Variants in ITPR2 observed in about 807,000 individuals in gnomAD.
ITPR2 encodes inositol 1,4,5-trisphosphate-gated calcium channel ITPR2.
ITPR2 carries 207 observed loss-of-function variants against 317.1 expected under a neutral mutation model. The ratio of observed to expected loss-of-function variants is 0.65; its 90% CI spans 0.58 to 0.73. The LOEUF is 0.73. ITPR2 is among the 30% of genes least tolerant of loss of function. ITPR2 has a pLI of 0.00. For missense variants in ITPR2, 2,613 were observed against 3,284.0 expected, an observed-to-expected ratio of 0.80 and a Z score of 4.99; for synonymous variants, 1,156 against 1,149.1, an observed-to-expected ratio of 1.01 and a Z score of -0.12.
chr12:26,365,288 AC>A (rs1938972461), intron 55 of ITPR2, among the ~76,000 whole-genome samples: 1 of 152,322 alleles, frequency 6.6e-6, no homozygotes, highest in South Asian at 2.1e-4. Context: ...TGGGTACCTA[AC>A]AAAATTTTTA....
At chr12:26,383,697 C>T (rs1375885420) in intron 55 of ITPR2, among the ~76,000 whole-genome samples, 9 of 150,370 alleles carry the variant, frequency 6.0e-5, no homozygotes, top group South Asian at 4.2e-4. Flanking sequence ...GGGGTTTCAC[C>T]GCATTAGCCA....
At position 26,355,076 on chromosome 12, in the gene ITPR2, C is replaced by T. The variant is rs371209644; in HGVS notation, c.7858-14748G>A. ...GAATCAGAAACTCCGGGGTTGAAGG[C>T]CCAGTAATTGGTGTTTTAATGAGAC... On this transcript the variant is annotated intron_variant, in intron 55 of 56. Coordinates refer to ENST00000381340, the MANE Select transcript of ITPR2 (RefSeq NM_002223.4). Among the ~76,000 whole-genome samples, 38 of 152,228 alleles carry T rather than the reference C, an allele frequency of 2.5e-4. 1 individual carries two copies. Among genetic ancestry groups the T allele is most frequent in the African/African-American group, 8.7e-4 (36 of 41,534 alleles).
At chr12:26,737,765 T>C (rs1949153766) in intron 2 of ITPR2, among the ~76,000 whole-genome samples, 1 of 152,232 alleles carries the variant, frequency 6.6e-6, no homozygotes, top group Non-Finnish European at 1.5e-5. Flanking sequence ...CTGTCAGTGC[T>C]ACATCAAAAT....
intron 53 of ITPR2, among the ~76,000 whole-genome samples, chr12:26,399,348 T>A (rs963250060): frequency 6.6e-6 from 1 of 152,190 alleles, no homozygotes; most frequent in Non-Finnish European, 1.5e-5. Flanking sequence ...TGGTCTCCTA[T>A]CCCAGACATT....
At chr12:26,378,888 C>T (rs1018330905) in intron 55 of ITPR2, among the ~76,000 whole-genome samples, 1 of 152,140 alleles carries the variant, frequency 6.6e-6, no homozygotes, top group Admixed American at 6.5e-5. Context: ...TCAGGCCTTC[C>T]TGCCATTGTA....
Position 26,715,842 on chromosome 12 carries a change from A to G in ITPR2, c.625-7T>C. The G allele has an allele frequency of 1.9e-6, 3 of 1,582,158 alleles. No individual in the cohort carries two copies. Among genetic ancestry groups the G allele is most frequent in the South Asian group, 1.1e-5 (1 of 90,228 alleles). ...TGCAATTGACAGCATTCACCTATTA[A>G]TGAAGAAACGTTCAAAGTTATAAGA... is the stretch of plus-strand genomic sequence containing the variant. On this transcript the variant is annotated splice_polypyrimidine_tract_variant and splice_region_variant and intron_variant, in intron 6 of 56. Coordinates refer to ENST00000381340, the MANE Select transcript of ITPR2 (RefSeq NM_002223.4).
At chr12:26,553,266 C>T (rs759497168) in intron 36 of ITPR2, among the ~76,000 whole-genome samples, 4 of 152,184 alleles carry the variant, frequency 2.6e-5, no homozygotes, top group East Asian at 1.9e-4. Context: ...TCTAATCAGC[C>T]GCCTTAAAGG....
intron 37 of ITPR2, among the ~76,000 whole-genome samples, chr12:26,547,085 A>C (rs1591884189): frequency 6.6e-6 from 1 of 152,346 alleles, no homozygotes; most frequent in East Asian, 1.9e-4. Flanking sequence ...TCTGCACAGC[A>C]GAGGAAACAC....
intron 2 of ITPR2, among the ~76,000 whole-genome samples, chr12:26,726,427 T>G (rs1024190479): frequency 1.3e-5 from 2 of 152,196 alleles, no homozygotes; most frequent in African/African-American, 4.8e-5. Flanking sequence ...TTATTTTCAA[T>G]GAGGAGAATG....
chr12:26,443,325 A>T (rs1003410188), intron 46 of ITPR2, among the ~76,000 whole-genome samples: 4 of 152,108 alleles, frequency 2.6e-5, no homozygotes, highest in South Asian at 2.1e-4. Context: ...ACAAAAAAAA[A>T]TTTTACATAT....
intron 55 of ITPR2, among the ~76,000 whole-genome samples, chr12:26,379,725 C>T (rs1030517314): frequency 2.0e-5 from 3 of 152,178 alleles, no homozygotes; most frequent in African/African-American, 7.2e-5. Flanking sequence ...TCCTAGCTCA[C>T]TTCAGTTGGC....
At chr12:26,681,838 G>T (rs773790315) in intron 13 of ITPR2, 36 bp downstream of exon 13, 37 of 1,469,608 alleles carry the variant, frequency 2.5e-5, no homozygotes, top group Non-Finnish European at 3.3e-5. Context: ...ATTGACAACT[G>T]ACTCGTGATT....
chr12:26,684,353 C>T (rs1948088304), intron 11 of ITPR2, among the ~76,000 whole-genome samples: 1 of 152,174 alleles, frequency 6.6e-6, no homozygotes, highest in African/African-American at 2.4e-5. Context: ...ACTCTGATTT[C>T]ATTGGTCTCA....
intron 15 of ITPR2, among the ~76,000 whole-genome samples, chr12:26,660,878 T>G (rs570703859): frequency 1.3e-5 from 2 of 151,818 alleles, no homozygotes; most frequent in Non-Finnish European, 2.9e-5. Flanking sequence ...AAGTCACAAA[T>G]GAACTTCCTA....
At position 26,617,070 on chromosome 12, in the gene ITPR2, A is replaced by C. The variant is rs116112134; in HGVS notation, c.3462+4053T>G. Among the ~76,000 whole-genome samples the C allele has an allele frequency of 3.5e-3, 531 of 152,326 alleles. 6 individuals carry two copies. Among genetic ancestry groups the C allele is most frequent in the African/African-American group, 0.012 (508 of 41,556 alleles). On this transcript the variant is annotated intron_variant, in intron 26 of 56. Transcript: ENST00000381340. Reference sequence around the variant, plus strand: ...AGTCAACAGTAGGCTATTAGTACTTAAGTTTTGAGGGAGTCAGAAGTTATA... The same window carrying C: ...AGTCAACAGTAGGCTATTAGTACTTCAGTTTTGAGGGAGTCAGAAGTTATA...
chr12:26,767,194 G>A (rs988623620), intron 2 of ITPR2, among the ~76,000 whole-genome samples: 3 of 152,146 alleles, frequency 2.0e-5, no homozygotes, highest in Non-Finnish European at 4.4e-5. Flanking sequence ...TTCACATGGA[G>A]CATCAAGTAC....
chr12:26,643,427 A>G (rs938123402), intron 21 of ITPR2, among the ~76,000 whole-genome samples: 12 of 152,246 alleles, frequency 7.9e-5, no homozygotes, highest in Non-Finnish European at 1.5e-4. Context: ...AAAAGCCAAC[A>G]TTGCCATAAA....
intron 10 of ITPR2, among the ~76,000 whole-genome samples, chr12:26,687,390 T>C (rs1156483339): frequency 1.3e-5 from 2 of 152,172 alleles, no homozygotes; most frequent in African/African-American, 2.4e-5. Context: ...GACTTACACA[T>C]ATTTATTAAA....
intron 36 of ITPR2, among the ~76,000 whole-genome samples, chr12:26,555,722 T>G (rs759590845): frequency 9.9e-5 from 15 of 152,120 alleles, no homozygotes; most frequent in Non-Finnish European, 1.8e-4. Context: ...GTCTGAGTCT[T>G]ACTAACCCTG....
Sources: allele counts gnomAD v4.1 joint callset (sites outside exome capture counted in the v4.1 genomes callset), GRCh38; gene constraint gnomAD v4.1.1; transcripts MANE v1.5; gene names NCBI Gene and HGNC (gene_info 2026-07-23, HGNC 2026-07-21).